ZBTB20: variants seen among roughly 807,000 people sequenced by gnomAD.
ZBTB20 encodes the protein zinc finger and BTB domain containing 20.
Under a neutral mutation model 56.9 loss-of-function variants are expected in ZBTB20, and 9 were observed. The observed-to-expected ratio is 0.16, with a 90% CI of 0.10 to 0.28. ZBTB20 has a LOEUF of 0.28. ZBTB20 is among the 10% of genes least tolerant of loss of function. The probability of loss-of-function intolerance (pLI) is 1.00; values close to 1 mark genes in which losing one functional copy is unlikely to be tolerated. For synonymous variants in ZBTB20, 417 were observed against 420.7 expected (o/e 0.99, Z 0.11); for missense variants, 655 against 1,003.0 (o/e 0.65, Z 4.69).
At chr3:115,127,539 A>C (rs1316750208) in intron 1 of ZBTB20, among the ~76,000 whole-genome samples, 3 of 152,206 alleles carry the variant, frequency 2.0e-5, no homozygotes, top group Non-Finnish European at 4.4e-5. Context: ...GATTGCAGTA[A>C]GCTGAGATCA....
intron 4 of ZBTB20, among the ~76,000 whole-genome samples, chr3:114,814,688 T>C (rs1401667666): frequency 6.6e-6 from 1 of 152,218 alleles, no homozygotes; most frequent in Non-Finnish European, 1.5e-5. Flanking sequence ...TGTGCACGAA[T>C]AAAATAATTT....
intron 5 of ZBTB20, among the ~76,000 whole-genome samples, chr3:114,761,890 A>G (rs2068471628): frequency 1.3e-5 from 2 of 152,156 alleles, no homozygotes; most frequent in Admixed American, 1.3e-4. Flanking sequence ...GCATAGCACA[A>G]AATCTAGCCC....
intron 1 of ZBTB20, among the ~76,000 whole-genome samples, chr3:115,099,383 A>AT (rs1418632180): frequency 2.0e-5 from 3 of 152,190 alleles, no homozygotes; most frequent in African/African-American, 7.2e-5. Flanking sequence ...CTGTCCTAGG[A>AT]TAAAAACTGC....
intron 7 of ZBTB20, among the ~76,000 whole-genome samples, chr3:114,421,466 GC>G (rs1455955983): frequency 3.3e-5 from 5 of 152,136 alleles, no homozygotes; most frequent in Non-Finnish European, 7.4e-5. Flanking sequence ...ACTGCAGACG[GC>G]AGCAATGAGC....
intron 5 of ZBTB20, among the ~76,000 whole-genome samples, chr3:114,700,847 T>C (rs2063347333): frequency 6.6e-6 from 1 of 152,226 alleles, no homozygotes; most frequent in African/African-American, 2.4e-5. Flanking sequence ...GTTTCCATTA[T>C]AAACCTTATG....
At chr3:114,355,318 A>T (rs768642521) in intron 10 of ZBTB20, among the ~76,000 whole-genome samples, 2 of 152,212 alleles carry the variant, frequency 1.3e-5, no homozygotes, top group Non-Finnish European at 2.9e-5. Context: ...AAAACCACAG[A>T]GACAAACCTA....
intron 1 of ZBTB20, among the ~76,000 whole-genome samples, chr3:115,125,199 T>G (rs1263237086): frequency 6.6e-6 from 1 of 151,900 alleles, no homozygotes; most frequent in South Asian, 2.1e-4. Flanking sequence ...AAAAATTAAC[T>G]GAGCATGGTG....
chr3:115,065,983 T>C (rs1292660676), intron 2 of ZBTB20, among the ~76,000 whole-genome samples: 5 of 151,984 alleles, frequency 3.3e-5, no homozygotes, highest in Non-Finnish European at 7.4e-5. Flanking sequence ...TGGGAAAAAA[T>C]GTCTCCAAGA....
intron 7 of ZBTB20, among the ~76,000 whole-genome samples, chr3:114,461,077 C>T (rs1316613808): frequency 6.6e-6 from 1 of 152,078 alleles, no homozygotes; most frequent in African/African-American, 2.4e-5. Context: ...GGTGGTTTGG[C>T]AATTGTATCT....
At chr3:114,986,038 A>G (rs1008700260) in intron 2 of ZBTB20, among the ~76,000 whole-genome samples, 3 of 152,112 alleles carry the variant, frequency 2.0e-5, no homozygotes, top group African/African-American at 7.2e-5. Flanking sequence ...CCATCAGTGA[A>G]GCCTCCAAAG....
At chr3:114,421,464 C>T (rs970643330) in intron 7 of ZBTB20, among the ~76,000 whole-genome samples, 8 of 152,132 alleles carry the variant, frequency 5.3e-5, no homozygotes, top group Admixed American at 3.3e-4. Flanking sequence ...TCACTGCAGA[C>T]GGCAGCAATG....
intron 5 of ZBTB20, among the ~76,000 whole-genome samples, chr3:114,722,928 G>T (rs768225922): frequency 1.3e-5 from 2 of 152,162 alleles, no homozygotes; most frequent in Non-Finnish European, 2.9e-5. Flanking sequence ...CAGATGAAGT[G>T]AATTTCACTC....
intron 5 of ZBTB20, among the ~76,000 whole-genome samples, chr3:114,732,111 A>G (rs2065805976): frequency 6.6e-6 from 1 of 152,154 alleles, no homozygotes. Context: ...TGCTTTAATA[A>G]TCCATTCTAG....
intron 10 of ZBTB20, among the ~76,000 whole-genome samples, chr3:114,357,534 A>C (rs1001220669): frequency 2.6e-5 from 4 of 152,212 alleles, no homozygotes; most frequent in African/African-American, 9.6e-5. Context: ...AGAATACTTA[A>C]AAGTATTTAA....
At chr3:114,637,091 GAGA>G (rs1262714924) in intron 6 of ZBTB20, among the ~76,000 whole-genome samples, 2 of 152,006 alleles carry the variant, frequency 1.3e-5, no homozygotes, top group Admixed American at 6.6e-5. Context: ...AAGAGACAGA[GAGA>G]AGGTCATTAT....
At position 114,946,145 on chromosome 3, in the gene ZBTB20, C is replaced by A. The variant is rs1560425441; in HGVS notation, c.-456+28221G>T. On this transcript the variant is annotated intron_variant, in intron 3 of 11. Transcript: ENST00000675478. ...GTAGATAAATAAAAGTTTTGAACAC[C>A]AAGATTTAGCAAATTTGATCTAATT... Among the ~76,000 whole-genome samples, 3 of 145,016 alleles carry A rather than the reference C, an allele frequency of 2.1e-5. 1 individual carries two copies. The highest frequency in any genetic ancestry group is 8.4e-5 in the African/African-American group (3 of 35,520).
chr3:114,732,382 A>C (rs561572036), intron 5 of ZBTB20, among the ~76,000 whole-genome samples: 4 of 152,124 alleles, frequency 2.6e-5, no homozygotes, highest in South Asian at 2.1e-4. Flanking sequence ...TTAATCATGA[A>C]CGGTATGTTG....
chr3:115,072,132 C>T (rs928102556), intron 1 of ZBTB20, among the ~76,000 whole-genome samples: 6 of 152,032 alleles, frequency 3.9e-5, no homozygotes, highest in Non-Finnish European at 7.4e-5. Flanking sequence ...AACATTCTTG[C>T]GAGTAAAAGA....
At chr3:114,832,127 A>G (rs2073881462) in intron 4 of ZBTB20, among the ~76,000 whole-genome samples, 1 of 152,124 alleles carries the variant, frequency 6.6e-6, no homozygotes, top group Non-Finnish European at 1.5e-5. Context: ...TTTGGAGGAA[A>G]TAACCTAAAG....
Sources: allele counts gnomAD v4.1 joint callset (sites outside exome capture counted in the v4.1 genomes callset), GRCh38; gene constraint gnomAD v4.1.1; transcripts MANE v1.5; gene names NCBI Gene and HGNC (gene_info 2026-07-23, HGNC 2026-07-21).